MECOM: variants seen among roughly 807,000 people sequenced by gnomAD.
The protein encoded by MECOM is histone-lysine N-methyltransferase MECOM.
MECOM carries 13 observed loss-of-function variants against 116.3 expected under a neutral mutation model. That is an observed-to-expected ratio of 0.11 (90% confidence interval 0.07 to 0.18). The LOEUF is 0.18. Among genes scored for constraint, MECOM ranks in the 10% least tolerant of loss-of-function variants. The probability of loss-of-function intolerance (pLI) is 1.00; values close to 1 mark genes in which losing one functional copy is unlikely to be tolerated. For synonymous variants in MECOM, 528 were observed against 535.2 expected (o/e 0.99, Z 0.19); for missense variants, 1,299 against 1,509.0 (o/e 0.86, Z 2.31).
intron 2 of MECOM, among the ~76,000 whole-genome samples, chr3:169,240,872 T>C (rs1036926500): frequency 6.6e-6 from 1 of 152,164 alleles, no homozygotes; most frequent in African/African-American, 2.4e-5. Context: ...ACTTAGCTAA[T>C]GCTTTCTCCT....
At chr3:169,340,179 T>C (rs1724256553) in intron 2 of MECOM, among the ~76,000 whole-genome samples, 1 of 152,152 alleles carries the variant, frequency 6.6e-6, no homozygotes, top group Non-Finnish European at 1.5e-5. Context: ...ACAAAATGCA[T>C]CACAAACAAA....
chr3:169,294,348 C>A (rs990560083), intron 2 of MECOM, among the ~76,000 whole-genome samples: 1 of 152,144 alleles, frequency 6.6e-6, no homozygotes, highest in East Asian at 1.9e-4. Flanking sequence ...GCAATTTCTA[C>A]AGGCAGGTGT....
chr3:169,220,197 G>A (rs1751958033), intron 2 of MECOM, among the ~76,000 whole-genome samples: 1 of 151,946 alleles, frequency 6.6e-6, no homozygotes, highest in Non-Finnish European at 1.5e-5. Context: ...AGGCATGGTG[G>A]TGCACACTGG....
intron 1 of MECOM, among the ~76,000 whole-genome samples, chr3:169,429,727 T>C (rs1355514530): frequency 6.6e-6 from 1 of 152,184 alleles, no homozygotes; most frequent in Non-Finnish European, 1.5e-5. Flanking sequence ...TTGCATACCT[T>C]ATACTGTGTC....
At chr3:169,656,714 T>C (rs750515745) in intron 1 of MECOM, among the ~76,000 whole-genome samples, 1 of 152,222 alleles carries the variant, frequency 6.6e-6, no homozygotes, top group African/African-American at 2.4e-5. Context: ...CTAAATGTTA[T>C]GGGCTTTACC....
In MECOM at chr3:169,285,617, G is replaced by A. The variant is rs182544843; in HGVS notation, c.375+95570C>T. 5.3e-5 allele frequency among the ~76,000 whole-genome samples: 8 copies of A among 152,258 alleles called. No individual in the cohort carries two copies. In the South Asian group the frequency reaches 8.3e-4, roughly 16 times the overall value. On this transcript the variant is annotated intron_variant, in intron 2 of 16. Transcript: ENST00000651503. The stretch of plus-strand genomic sequence containing the variant: ...CCAGCTTGGGGAAAAGGTGAAAGAC[G>A]CCAAGGAAACCTCCACTCAAACAAT...
At chr3:169,179,723 TAAAC>T (rs1449517835) in intron 2 of MECOM, among the ~76,000 whole-genome samples, 1 of 152,210 alleles carries the variant, frequency 6.6e-6, no homozygotes, top group Non-Finnish European at 1.5e-5. Flanking sequence ...GCAACTGTGA[TAAAC>T]AAAGCCCTTC....
Position 169,391,930 on chromosome 3 carries a change from C to A in MECOM, c.38-10406G>T, listed in dbSNP as rs561057166. Among the ~76,000 whole-genome samples, 83 of 149,866 alleles carry A rather than the reference C, an allele frequency of 5.5e-4. 1 individual carries two copies. The highest frequency in any genetic ancestry group is 1.9e-3 in the African/African-American group (78 of 40,898). ...CTGCCTTCTAATGGGAACTGACTTTCAAAAAAAAATGCATTCAGGGCCTCT... is the reference window on the plus strand; with the variant it reads ...CTGCCTTCTAATGGGAACTGACTTTAAAAAAAAAATGCATTCAGGGCCTCT... On this transcript the variant is annotated intron_variant, in intron 1 of 16. Transcript: ENST00000651503.
At chr3:169,243,796 GT>G (rs1279258983) in intron 2 of MECOM, among the ~76,000 whole-genome samples, 1 of 152,176 alleles carries the variant, frequency 6.6e-6, no homozygotes, top group Non-Finnish European at 1.5e-5. Context: ...TTACTCCGGA[GT>G]TTACTTAAAC....
At chr3:169,263,207 C>A (rs1312563387) in intron 2 of MECOM, among the ~76,000 whole-genome samples, 13 of 143,006 alleles carry the variant, frequency 9.1e-5, no homozygotes, top group Non-Finnish European at 1.7e-4. Flanking sequence ...CCACTCATTG[C>A]AAGCTCCACC....
chr3:169,624,854 C>T (rs1771163981), intron 1 of MECOM, among the ~76,000 whole-genome samples: 1 of 152,094 alleles, frequency 6.6e-6, no homozygotes, highest in Non-Finnish European at 1.5e-5. Flanking sequence ...GCAGTGTCTT[C>T]CCCTTGCTTT....
intron 2 of MECOM, among the ~76,000 whole-genome samples, chr3:169,360,618 T>C (rs1276936438): frequency 1.3e-5 from 2 of 151,784 alleles, no homozygotes; most frequent in Non-Finnish European, 2.9e-5. Context: ...TATTTAGTTA[T>C]GATATTATTC....
intron 1 of MECOM, among the ~76,000 whole-genome samples, chr3:169,472,612 GGAAA>G (rs1749651440): frequency 9.3e-5 from 6 of 64,312 alleles, no homozygotes; most frequent in African/African-American, 4.0e-4. Context: ...GGAAAGGAAA[GGAAA>G]GAAAAGAAAA....
At chr3:169,363,462 G>A (rs888541060) in intron 2 of MECOM, among the ~76,000 whole-genome samples, 1 of 151,774 alleles carries the variant, frequency 6.6e-6, no homozygotes, top group Non-Finnish European at 1.5e-5. Flanking sequence ...CTAACAACAC[G>A]TGCGCTCTTT....
At chr3:169,343,307 T>C (rs888255599) in intron 2 of MECOM, among the ~76,000 whole-genome samples, 1 of 152,180 alleles carries the variant, frequency 6.6e-6, no homozygotes, top group Non-Finnish European at 1.5e-5. Flanking sequence ...AATTAGTTTG[T>C]TGAAGATGTC....
intron 1 of MECOM, among the ~76,000 whole-genome samples, chr3:169,601,433 C>G (rs939272017): frequency 6.6e-6 from 1 of 152,174 alleles, no homozygotes; most frequent in Non-Finnish European, 1.5e-5. Context: ...ATGCCTCATT[C>G]CCACAAGGAA....
At chr3:169,362,865 ACCTTTTGCTTCCATTTCTGTGGGAT>A (rs1275757396) in intron 2 of MECOM, among the ~76,000 whole-genome samples, 3 of 151,822 alleles carry the variant, frequency 2.0e-5, no homozygotes, top group Admixed American at 2.0e-4. Flanking sequence ...GAAACATTAG[ACCTTTTGCTTCCATTTCTGTGGGAT>A]CCTTTTGATT....
intron 2 of MECOM, among the ~76,000 whole-genome samples, chr3:169,248,785 T>A (rs1755902705): frequency 6.6e-6 from 1 of 152,078 alleles, no homozygotes; most frequent in African/African-American, 2.4e-5. Flanking sequence ...AGAGGAAAGA[T>A]CATGTAAGTA....
At chr3:169,282,950 CT>C (rs1712425268) in intron 2 of MECOM, among the ~76,000 whole-genome samples, 1 of 151,886 alleles carries the variant, frequency 6.6e-6, no homozygotes, top group Admixed American at 6.6e-5. Flanking sequence ...TGAGAGATCC[CT>C]TTTTTACGGT....
Sources: allele counts gnomAD v4.1 joint callset (sites outside exome capture counted in the v4.1 genomes callset), GRCh38; gene constraint gnomAD v4.1.1; transcripts MANE v1.5; gene names NCBI Gene and HGNC (gene_info 2026-07-23, HGNC 2026-07-21).